Variants in AGPAT4 observed in about 807,000 individuals in gnomAD.
The protein encoded by AGPAT4 is 1-acylglycerol-3-phosphate O-acyltransferase 4.
AGPAT4 carries 15 observed loss-of-function variants against 48.0 expected under a neutral mutation model. The ratio of observed to expected loss-of-function variants is 0.31; its 90% CI spans 0.21 to 0.48. The LOEUF is 0.48. Ranked by LOEUF, AGPAT4 falls within the 20% of genes least tolerant of loss-of-function variation. The pLI, the probability that AGPAT4 is intolerant of heterozygous loss-of-function variation, is 0.99. For missense variants in AGPAT4, 314 were observed against 482.5 expected (o/e 0.65, Z 3.27); for synonymous variants, 178 against 198.7 (o/e 0.90, Z 0.88).
In AGPAT4 at chr6:161,140,548, G is replaced by C. The variant is rs1361887260; in HGVS notation, c.844-928C>G. Among the ~76,000 whole-genome samples the C allele has an allele frequency of 6.6e-6, 1 of 151,068 alleles. No homozygotes were observed. Among genetic ancestry groups the C allele is most frequent in the East Asian group, 1.9e-4 (1 of 5,198 alleles). On this transcript the variant is annotated intron_variant, in intron 7 of 8. Transcript: ENST00000320285. This position sits in a 1 kb window ranked among gnomAD's most constrained non-coding sequence, Gnocchi z 6.5. ...TCTTCCCTGGGTGTCTCATGTCACGGAGCTCCCGCTCAGGGACTGGGGCTC... is the reference window on the plus strand; with the variant it reads ...TCTTCCCTGGGTGTCTCATGTCACGCAGCTCCCGCTCAGGGACTGGGGCTC...
At chr6:161,175,698 T>C (rs1780409544) in intron 2 of AGPAT4, among the ~76,000 whole-genome samples, 1 of 152,208 alleles carries the variant, frequency 6.6e-6, no homozygotes, top group Non-Finnish European at 1.5e-5. Context: ...GTGTTTGCTC[T>C]TGCTTCTCTA....
At chr6:161,193,119 T>G (rs1780969692) in intron 2 of AGPAT4, among the ~76,000 whole-genome samples, 1 of 152,234 alleles carries the variant, frequency 6.6e-6, no homozygotes, top group South Asian at 2.1e-4. Flanking sequence ...ACTGTCTCTT[T>G]CTTCCCTCCA....
At chr6:161,230,666 G>A (rs994283313) in intron 2 of AGPAT4, among the ~76,000 whole-genome samples, 7 of 152,106 alleles carry the variant, frequency 4.6e-5, no homozygotes, top group Admixed American at 4.6e-4. Context: ...GACCAATGTT[G>A]AGTGAAGTCT....
chr6:161,152,643 A>G (rs1779626087), intron 5 of AGPAT4, among the ~76,000 whole-genome samples: 1 of 152,198 alleles, frequency 6.6e-6, no homozygotes, highest in Non-Finnish European at 1.5e-5. Context: ...GGAAGGCGGC[A>G]GCATGGGGCC....
At chr6:161,205,761 T>TAATAATAATAATAACAAC (rs71004032) in intron 2 of AGPAT4, among the ~76,000 whole-genome samples, 18 of 149,120 alleles carry the variant, frequency 1.2e-4, no homozygotes, top group African/African-American at 4.0e-4. Flanking sequence ...ATAATAATAA[T>TAATAATAATAATAACAAC]AACAACAAAC....
At position 161,139,296 on chromosome 6, in the gene AGPAT4, T is replaced by C; in HGVS notation, c.1042+126A>G. On this transcript the variant is annotated intron_variant, in intron 8 of 8. Transcript: ENST00000320285. The surrounding 1 kb of genome is among the most constrained non-coding windows in gnomAD (Gnocchi z 9.1). ...CTGAAGTCTAATCTTTCCCTGTGATTGCAAGCTGAGCCTGCTCCTCATCCA... is the reference window on the plus strand; with the variant it reads ...CTGAAGTCTAATCTTTCCCTGTGATCGCAAGCTGAGCCTGCTCCTCATCCA... 1.8e-6 allele frequency: 2 copies of C among 1,090,974 alleles called. No homozygotes were observed. The highest frequency in any genetic ancestry group is 2.7e-6 in the Non-Finnish European group (2 of 753,018). 67.6% of individuals were successfully genotyped at this position (1,090,974 alleles called of 1,614,324 possible).
chr6:161,152,884 G>C (rs1041282366), intron 5 of AGPAT4, among the ~76,000 whole-genome samples: 4 of 152,224 alleles, frequency 2.6e-5, no homozygotes, highest in Admixed American at 2.0e-4. Context: ...CAAGAGGCCA[G>C]AGGCAAGTTG....
intron 2 of AGPAT4, among the ~76,000 whole-genome samples, chr6:161,174,552 A>G (rs1381326688): frequency 2.0e-5 from 3 of 152,176 alleles, no homozygotes; most frequent in Non-Finnish European, 4.4e-5. Context: ...TTGGGCTGAG[A>G]TGATGGGGTT....
intron 2 of AGPAT4, among the ~76,000 whole-genome samples, chr6:161,168,966 C>T (rs570456643): frequency 6.6e-6 from 1 of 152,236 alleles, no homozygotes; most frequent in East Asian, 1.9e-4. Context: ...AGAGCATGGA[C>T]TCAAGGCACC....
intron 1 of AGPAT4, among the ~76,000 whole-genome samples, chr6:161,239,537 G>A (rs887475572): frequency 6.6e-5 from 10 of 152,186 alleles, no homozygotes; most frequent in Admixed American, 6.5e-4. Context: ...CCAGGTCAGG[G>A]TTGTAGAAAA....
At chr6:161,228,893 C>A (rs1174503756) in intron 2 of AGPAT4, among the ~76,000 whole-genome samples, 2 of 151,848 alleles carry the variant, frequency 1.3e-5, no homozygotes, top group African/African-American at 4.8e-5. Flanking sequence ...ACAAAGCAAC[C>A]CTCTAAAAAT....
rs1288190325 is a variant in AGPAT4, at chr6:161,218,926, A to AT, written c.178+13109dup. On this transcript the variant is annotated intron_variant, in intron 2 of 8. Transcript: ENST00000320285. The surrounding 1 kb of genome is among the most constrained non-coding windows in gnomAD (Gnocchi z 4.7). ...CTGTATCTACCAAAGCGTTTCTAGGATTTTTCCTTCAAAACAGACTGTGGA... is the reference window on the plus strand; with the variant it reads ...CTGTATCTACCAAAGCGTTTCTAGGATTTTTTCCTTCAAAACAGACTGTGGA... 1.3e-5 allele frequency among the ~76,000 whole-genome samples: 2 copies of AT among 152,314 alleles called. No individual in the cohort carries two copies. The highest frequency in any genetic ancestry group is 4.1e-4 in the South Asian group (2 of 4,824).
rs530538336 is a variant in AGPAT4, at chr6:161,165,978, T to A, written c.348+270A>T. 1 of 609,646 alleles carries A rather than the reference T, an allele frequency of 1.6e-6. No individual in the cohort carries two copies. The highest frequency in any genetic ancestry group is 2.9e-6 in the Non-Finnish European group (1 of 342,312). 37.8% of individuals were successfully genotyped at this position (609,646 alleles called of 1,614,324 possible). A position where few individuals can be genotyped will look rare whatever the true frequency, so the allele number is the denominator to read the frequency against. On this transcript the variant is annotated intron_variant, in intron 3 of 8. Transcript: ENST00000320285. This position sits in a 1 kb window ranked among gnomAD's most constrained non-coding sequence, Gnocchi z 5.5. The stretch of plus-strand genomic sequence containing the variant: ...TTAAAAAATGGAGTGTGGCACATCA[T>A]CTATTCATGTTGCTGTAAGGATTAA...
chr6:161,170,506 C>CAT (rs1201881041), intron 2 of AGPAT4, among the ~76,000 whole-genome samples: 1 of 150,208 alleles, frequency 6.7e-6, no homozygotes, highest in Non-Finnish European at 1.5e-5. Context: ...CACACACACA[C>CAT]ATACACATAT....
rs1780717328 is a variant in AGPAT4 at position 161,184,679 on chromosome 6, C to T, written c.179-18262G>A. 6.6e-6 allele frequency among the ~76,000 whole-genome samples: 1 copy of T among 152,134 alleles called. No individual in the cohort carries two copies. Among genetic ancestry groups the T allele is most frequent in the South Asian group, 2.1e-4 (1 of 4,814 alleles). On this transcript the variant is annotated intron_variant, in intron 2 of 8. Transcript: ENST00000320285. The surrounding 1 kb of genome is among the most constrained non-coding windows in gnomAD (Gnocchi z 4.8). ...CCTAGTGGCACGTCTCCTCACAGCC[C>T]ATGCCCAGTCAGTCATCAGGGACAG...
At chr6:161,167,704 G>T (rs1320566073) in intron 2 of AGPAT4, among the ~76,000 whole-genome samples, 1 of 152,212 alleles carries the variant, frequency 6.6e-6, no homozygotes, top group Admixed American at 6.5e-5. Context: ...GAAGCTGGAG[G>T]CTTGATGTGG....
At chr6:161,191,381 A>G (rs1027694004) in intron 2 of AGPAT4, among the ~76,000 whole-genome samples, 5 of 152,192 alleles carry the variant, frequency 3.3e-5, no homozygotes, top group African/African-American at 9.7e-5. Flanking sequence ...ACTGAATGAA[A>G]CCAGGAAAAT....
At chr6:161,150,466 ATT>A (rs1468045041) in intron 5 of AGPAT4, among the ~76,000 whole-genome samples, 1 of 152,246 alleles carries the variant, frequency 6.6e-6, no homozygotes, top group Admixed American at 6.5e-5. Flanking sequence ...ATGTGCAAGT[ATT>A]AATAAAAGGA....
chr6:161,194,620 A>C lies in AGPAT4; in HGVS notation c.179-28203T>G, dbSNP rs893882697. Among the ~76,000 whole-genome samples the C allele has an allele frequency of 6.3e-5, 9 of 143,812 alleles. 1 individual carries two copies. The highest frequency in any genetic ancestry group is 2.4e-4 in the African/African-American group (9 of 37,314). The allele number at this position is 143,812 out of a possible 152,430, so 94.3% of individuals were successfully genotyped here. A position where few individuals can be genotyped will look rare whatever the true frequency, so the allele number is the denominator to read the frequency against. On this transcript the variant is annotated intron_variant, in intron 2 of 8. Coordinates refer to ENST00000320285, the MANE Select transcript of AGPAT4 (RefSeq NM_020133.3). The stretch of plus-strand genomic sequence containing the variant: ...TGTATGTGTGTCTATGTATGTGTAC[A>C]TGTGTGTATGTGTATGTGTGTATGT...
Sources: gnomAD v4.1 joint callset for allele counts (sites outside exome capture counted in the v4.1 genomes callset) on GRCh38, gnomAD v4.1.1 for gene constraint, Gnocchi (gnomAD v3.1) non-coding constraint, MANE v1.5 for transcripts, NCBI Gene and HGNC (gene_info 2026-07-23, HGNC 2026-07-21) for gene names.